CDH4: variants seen among roughly 807,000 people sequenced by gnomAD.
The protein encoded by CDH4 is cadherin 4, also known as cadherin-4.
In CDH4, 33 loss-of-function variants were observed where a neutral mutation model predicts 86.0. The ratio of observed to expected loss-of-function variants is 0.38; its 90% CI spans 0.29 to 0.51. The LOEUF (loss-of-function observed/expected upper bound fraction) is 0.51, where lower values mean the gene tolerates loss of function less well. Ranked by LOEUF, CDH4 falls within the 20% of genes least tolerant of loss-of-function variation. The pLI, the probability that CDH4 is intolerant of heterozygous loss-of-function variation, is 0.86. For synonymous variants in CDH4, 555 were observed against 549.4 expected (o/e 1.01, Z -0.14); for missense variants, 1,114 against 1,307.4 (o/e 0.85, Z 2.28).
chr20:61,383,821 G>T (rs150756298), intron 2 of CDH4, among the ~76,000 whole-genome samples: 1 of 85,088 alleles, frequency 1.2e-5, no homozygotes, highest in African/African-American at 5.5e-5. Flanking sequence ...ATATATATGC[G>T]TATATATGAA....
chr20:61,368,601 C>T (rs2084823269), intron 2 of CDH4, among the ~76,000 whole-genome samples: 1 of 152,044 alleles, frequency 6.6e-6, no homozygotes, highest in South Asian at 2.1e-4. Context: ...ACTGCAACCT[C>T]CACCTCCTGG....
intron 2 of CDH4, among the ~76,000 whole-genome samples, chr20:61,710,023 T>C (rs541825344): frequency 2.0e-4 from 31 of 152,274 alleles, no homozygotes; most frequent in Non-Finnish European, 4.3e-4. Flanking sequence ...CTGAGTGGGA[T>C]GTTCTTCCCC....
At chr20:61,719,190 A>ATTT (rs11440327) in intron 2 of CDH4, 4 of 392,278 alleles carry the variant, frequency 1.0e-5, no homozygotes, top group Non-Finnish European at 1.1e-5. Flanking sequence ...CTAATCAGAG[A>ATTT]TTTTTTTTTT....
intron 3 of CDH4, among the ~76,000 whole-genome samples, chr20:61,759,180 G>T (rs1401917505): frequency 6.6e-6 from 1 of 152,186 alleles, no homozygotes; most frequent in African/African-American, 2.4e-5. Flanking sequence ...TCCTGCAGGT[G>T]ATGAAAGTAA....
intron 2 of CDH4, among the ~76,000 whole-genome samples, chr20:61,611,377 C>T (rs2086684045): frequency 6.6e-6 from 1 of 152,058 alleles, no homozygotes; most frequent in Non-Finnish European, 1.5e-5. Flanking sequence ...AATCCCAGGG[C>T]TCTGGGAGCT....
intron 5 of CDH4, among the ~76,000 whole-genome samples, chr20:61,850,023 G>GT (rs1293069047): frequency 1.3e-5 from 2 of 152,218 alleles, no homozygotes; most frequent in Non-Finnish European, 2.9e-5. Flanking sequence ...CCCAGCCTGA[G>GT]TACGCTGACG....
intron 2 of CDH4, among the ~76,000 whole-genome samples, chr20:61,628,145 A>G (rs984962351): frequency 2.0e-5 from 3 of 152,132 alleles, no homozygotes; most frequent in Admixed American, 2.0e-4. Flanking sequence ...CAAGCCCCGA[A>G]GCCCGCAGCT....
chr20:61,296,340 T>TGA (rs1313738507), intron 2 of CDH4, among the ~76,000 whole-genome samples: 1 of 145,476 alleles, frequency 6.9e-6, no homozygotes, highest in Non-Finnish European at 1.5e-5. Flanking sequence ...TGTGTGTGTG[T>TGA]GAGAGAGAGA....
chr20:61,743,169 G>T (rs1174190144), intron 2 of CDH4, among the ~76,000 whole-genome samples: 3 of 152,240 alleles, frequency 2.0e-5, no homozygotes, highest in African/African-American at 7.2e-5. Flanking sequence ...GTCTCTGCTG[G>T]CAGGAAGAAG....
At chr20:61,288,200 A>AG (rs940390662) in intron 2 of CDH4, among the ~76,000 whole-genome samples, 1 of 43,510 alleles carries the variant, frequency 2.3e-5, no homozygotes, top group Admixed American at 2.6e-4. Flanking sequence ...ACATTTTCCC[A>AG]GAAAAAAAAA....
intron 7 of CDH4, among the ~76,000 whole-genome samples, chr20:61,878,066 G>C (rs1419013031): frequency 1.3e-5 from 2 of 152,096 alleles, no homozygotes; most frequent in African/African-American, 2.4e-5. Context: ...ACAGGCCCTG[G>C]CCTGCGTGAG....
chr20:61,381,802 G>A (rs1022664227), intron 2 of CDH4, among the ~76,000 whole-genome samples: 2 of 152,214 alleles, frequency 1.3e-5, no homozygotes, highest in Non-Finnish European at 2.9e-5. Flanking sequence ...TTGGCCAGGT[G>A]TAGTGGCTCA....
At chr20:61,349,689 C>T (rs144030870) in intron 2 of CDH4, among the ~76,000 whole-genome samples, 80 of 152,266 alleles carry the variant, frequency 5.3e-4, no homozygotes, top group Non-Finnish European at 8.8e-4. Flanking sequence ...CCGTGAGGCA[C>T]GCCCTTGTGT....
chr20:61,777,618 ACGTG>A (rs2088856546), intron 4 of CDH4, among the ~76,000 whole-genome samples: 1 of 151,732 alleles, frequency 6.6e-6, no homozygotes, highest in African/African-American at 2.4e-5. Flanking sequence ...ATGCGCACAC[ACGTG>A]CATACAAAAA....
At chr20:61,258,346 G>GAAAAAAAAA (rs1234257125) in intron 2 of CDH4, among the ~76,000 whole-genome samples, 1 of 42,788 alleles carries the variant, frequency 2.3e-5, no homozygotes, top group African/African-American at 8.1e-5. Flanking sequence ...AAAAAAAAAA[G>GAAAAAAAAA]AAAAAAAAAA....
At chr20:61,390,613 A>G (rs111422399) in intron 2 of CDH4, among the ~76,000 whole-genome samples, 2,724 of 108,274 alleles carry the variant, frequency 0.025, 4 homozygotes, top group Admixed American at 0.052. Flanking sequence ...TGTCTGGGAA[A>G]CCCCAATTGA....
chr20:61,933,408 G>A (rs919743619), intron 14 of CDH4, among the ~76,000 whole-genome samples: 6 of 152,320 alleles, frequency 3.9e-5, no homozygotes, highest in African/African-American at 9.6e-5. Flanking sequence ...AGGGGGCTCC[G>A]GGTTGGCCAA....
Position 61,903,540 on chromosome 20 carries a change from T to TAAAAAAAAAAAA in CDH4, c.1189-6874_1189-6863dup, listed in dbSNP as rs60370683. ...AGCGTGGGCAGCAGAAGAGACTCCA[T>TAAAAAAAAAAAA]AAAAAAAAAAAAAAAAAAAGTGTAA... On this transcript the variant is annotated intron_variant, in intron 8 of 15. Transcript: ENST00000614565. 3.6e-4 allele frequency among the ~76,000 whole-genome samples: 33 copies of TAAAAAAAAAAAA among 90,884 alleles called. 4 individuals carry two copies. The highest frequency in any genetic ancestry group is 1.5e-3 in the African/African-American group (31 of 21,130). 59.6% of individuals were successfully genotyped at this position (90,884 alleles called of 152,430 possible). A position where few individuals can be genotyped will look rare whatever the true frequency, so the allele number is the denominator to read the frequency against.
intron 2 of CDH4, among the ~76,000 whole-genome samples, chr20:61,594,752 T>A (rs1158577081): frequency 6.6e-6 from 1 of 152,192 alleles, no homozygotes; most frequent in Non-Finnish European, 1.5e-5. Context: ...TGCAGAGCGC[T>A]GGGTCCCCTC....
Sources: allele counts gnomAD v4.1 joint callset (sites outside exome capture counted in the v4.1 genomes callset), GRCh38; gene constraint gnomAD v4.1.1; transcripts MANE v1.5; gene names NCBI Gene and HGNC (gene_info 2026-07-23, HGNC 2026-07-21).